The following JMJD1C variants were observed in gnomAD, a reference collection of about 807,000 sequenced individuals.
JMJD1C encodes jumonji domain-containing protein 1C.
A neutral mutation model predicts 245.3 loss-of-function variants in JMJD1C; 31 were observed. That is an observed-to-expected ratio of 0.13 (90% CI 0.09 to 0.17). The LOEUF is 0.17. Ranked by LOEUF, JMJD1C falls within the 10% of genes least tolerant of loss-of-function variation. The pLI, the probability that JMJD1C is intolerant of heterozygous loss-of-function variation, is 1.00. For synonymous variants in JMJD1C, 1,057 were observed against 1,017.4 expected (o/e 1.04, Z -0.74); for missense variants, 2,691 against 3,000.2 (o/e 0.90, Z 2.41).
chr10:63,238,304 T>C (rs115063042), intron 3 of JMJD1C, among the ~76,000 whole-genome samples: 78 of 152,008 alleles, frequency 5.1e-4, no homozygotes, highest in African/African-American at 1.9e-3. Flanking sequence ...CTCTTTACGA[T>C]GCCTTTCAGC....
Position 63,215,322 on chromosome 10 carries a change from C to A in JMJD1C, c.956G>T (p.Ser319Ile). 1 of 1,613,686 alleles carries A rather than the reference C, an allele frequency of 6.2e-7. No individual in the cohort carries two copies. Among genetic ancestry groups the A allele is most frequent in the Non-Finnish European group, 8.5e-7 (1 of 1,179,964 alleles). Reference sequence around the variant, plus strand: ...CATCTTCTCTTCATCTGGTATACTGCTATCTGAGCCCTTCCTCTTATTTGG... The same window carrying A: ...CATCTTCTCTTCATCTGGTATACTGATATCTGAGCCCTTCCTCTTATTTGG... ...IRPNKRKGSD[S>I]SIPDEEKMKE... is the part of the protein sequence containing the mutation. The change falls in exon 7 of 26, where the codon AGC becomes ATC. Residue 319 changes from serine to isoleucine, a missense_variant. Transcript: ENST00000399262.
At chr10:63,252,735 G>GA (rs1284626950) in intron 3 of JMJD1C, among the ~76,000 whole-genome samples, 1 of 152,140 alleles carries the variant, frequency 6.6e-6, no homozygotes, top group Non-Finnish European at 1.5e-5. Context: ...TAAAGAAAAA[G>GA]AAACAGGCAA....
chr10:63,256,382 AAATCAT>A, intron 3 of JMJD1C, among the ~76,000 whole-genome samples: 1 of 152,326 alleles, frequency 6.6e-6, no homozygotes, highest in Middle Eastern at 3.4e-3. Flanking sequence ...TAGCTATATA[AAATCAT>A]ATAGGTAGGT....
chr10:63,360,469 T>G (rs1945232595), intron 2 of JMJD1C, among the ~76,000 whole-genome samples: 1 of 152,250 alleles, frequency 6.6e-6, no homozygotes, highest in Non-Finnish European at 1.5e-5. Context: ...TTGTAAGTCT[T>G]ATTTCCAGCA....
intron 2 of JMJD1C, among the ~76,000 whole-genome samples, chr10:63,353,788 GAGC>G (rs1944570114): frequency 6.6e-6 from 1 of 151,914 alleles, no homozygotes; most frequent in Admixed American, 6.6e-5. Context: ...TTACAGGTGT[GAGC>G]CACCATGCTT....
In JMJD1C at chr10:63,382,080, G is replaced by A. The variant is rs181072194; in HGVS notation, c.169-1598C>T. On this transcript the variant is annotated intron_variant, in intron 1 of 25. Transcript: ENST00000399262. ...ACAAAAATTAGCTGGGTGTGGTGGCGGGTGCCTGTAGTCCCAGCTACTCAG... is the reference window on the plus strand; with the variant it reads ...ACAAAAATTAGCTGGGTGTGGTGGCAGGTGCCTGTAGTCCCAGCTACTCAG... Among the ~76,000 whole-genome samples, 894 of 151,980 alleles carry A rather than the reference G, an allele frequency of 5.9e-3. 5 individuals are homozygous for A. Among genetic ancestry groups the A allele is most frequent in the African/African-American group, 0.016 (663 of 41,458 alleles).
chr10:63,445,085 T>C (rs1951629738), intron 1 of JMJD1C, among the ~76,000 whole-genome samples: 1 of 151,962 alleles, frequency 6.6e-6, no homozygotes, highest in Non-Finnish European at 1.5e-5. Context: ...TAAAAAAAAT[T>C]AGCTGGGTGT....
chr10:63,213,255 A>G (rs1344092366), intron 8 of JMJD1C, among the ~76,000 whole-genome samples: 1 of 151,890 alleles, frequency 6.6e-6, no homozygotes, highest in Non-Finnish European at 1.5e-5. Context: ...TTACAATCTA[A>G]AAAGTTTTAC....
chr10:63,237,841 A>C (rs1850930198), intron 3 of JMJD1C, among the ~76,000 whole-genome samples: 1 of 151,854 alleles, frequency 6.6e-6, no homozygotes, highest in Admixed American at 6.6e-5. Context: ...AGGGATACTC[A>C]ACCTGTACAT....
At position 63,168,151 on chromosome 10, in the gene JMJD1C, T is replaced by G; in HGVS notation, c.7534-17A>C. 6.6e-7 allele frequency: 1 copy of G among 1,505,074 alleles called. No individual in the cohort carries two copies. Among genetic ancestry groups the G allele is most frequent in the Non-Finnish European group, 9.2e-7 (1 of 1,083,074 alleles). The allele number at this position is 1,505,074 out of a possible 1,614,324, so 93.2% of individuals were successfully genotyped here. A position where few individuals can be genotyped will look rare whatever the true frequency, so the allele number is the denominator to read the frequency against. On this transcript the variant is annotated splice_polypyrimidine_tract_variant and intron_variant, in intron 25 of 25. Coordinates refer to ENST00000399262, the MANE Select transcript of JMJD1C (RefSeq NM_032776.3). Reference sequence around the variant, plus strand: ...ATTTTTAACCTGAAAGAGATGTTGATATTTCTAATCACTTCAGTTCGACAG... The same window carrying G: ...ATTTTTAACCTGAAAGAGATGTTGAGATTTCTAATCACTTCAGTTCGACAG...
intron 1 of JMJD1C, among the ~76,000 whole-genome samples, chr10:63,392,906 ACACG>A (rs1407757882): frequency 6.8e-6 from 1 of 147,906 alleles, no homozygotes; most frequent in Non-Finnish European, 1.5e-5. Context: ...ACACACACAC[ACACG>A]TGAGCAAAGG....
chr10:63,227,157 T>C lies in JMJD1C; in HGVS notation c.448-7174A>G, dbSNP rs566065024. ...AGGTGATTATGTACTTTCTACTTAA[T>C]TCGAAAGAAAAAAATAACCATCTAG... On this transcript the variant is annotated intron_variant, in intron 3 of 25. Coordinates refer to ENST00000399262, the MANE Select transcript of JMJD1C (RefSeq NM_032776.3). Among the ~76,000 whole-genome samples the C allele has an allele frequency of 5.3e-5, 8 of 152,136 alleles. No homozygotes were observed. The South Asian group carries it at 1.7e-3, about 32-fold the overall frequency.
Position 63,264,685 on chromosome 10 carries a change from A to C in JMJD1C, c.413T>G (p.Phe138Cys). The part of the protein sequence containing the change: ...VEFLVDKQLD[F>C]LTEDSAFQPY... ...CTGAAAGGCACTATCTTCAGTTAAAAAATCCAGTTGCTTATCTACAAGGAA... is the reference window on the plus strand; with the variant it reads ...CTGAAAGGCACTATCTTCAGTTAAACAATCCAGTTGCTTATCTACAAGGAA... The change falls in exon 3 of 26, where the codon TTT (phenylalanine) becomes TGT (cysteine). Residue 138 changes from phenylalanine (F) to cysteine (C), a missense_variant. Physicochemically the swap from Phe to Cys is radical, Grantham distance 205 (BLOSUM62 -2). This residue lies in a region of JMJD1C where 172 missense variants were observed against 240.8 expected (regional missense o/e 0.71). Transcript: ENST00000399262. The C allele has an allele frequency of 6.3e-7, 1 of 1,584,042 alleles. No individual in the cohort carries two copies. Among genetic ancestry groups the C allele is most frequent in the Non-Finnish European group, 8.6e-7 (1 of 1,161,408 alleles).
intron 1 of JMJD1C, among the ~76,000 whole-genome samples, chr10:63,494,113 C>G (rs1376470289): frequency 6.6e-6 from 1 of 152,072 alleles, no homozygotes; most frequent in East Asian, 1.9e-4. Context: ...GAGATCGAGA[C>G]CAGCCTGACC....
At chr10:63,406,632 T>G (rs1949188867) in intron 1 of JMJD1C, among the ~76,000 whole-genome samples, 1 of 151,858 alleles carries the variant, frequency 6.6e-6, no homozygotes, top group Non-Finnish European at 1.5e-5. Context: ...AACACTAGAT[T>G]TTTTTTTAAG....
At chr10:63,298,879 CCCA>C (rs1859750718) in intron 2 of JMJD1C, among the ~76,000 whole-genome samples, 1 of 152,010 alleles carries the variant, frequency 6.6e-6, no homozygotes, top group African/African-American at 2.4e-5. Context: ...AATACAGGTG[CCCA>C]CCACCACGCC....
chr10:63,185,994 C>T (rs920253320), intron 19 of JMJD1C, among the ~76,000 whole-genome samples: 1 of 152,150 alleles, frequency 6.6e-6, no homozygotes, highest in Non-Finnish European at 1.5e-5. Context: ...CCAAACATTT[C>T]TCCATAAGCA....
chr10:63,400,205 G>A (rs1489672120), intron 1 of JMJD1C, among the ~76,000 whole-genome samples: 1 of 152,120 alleles, frequency 6.6e-6, no homozygotes, highest in African/African-American at 2.4e-5. Flanking sequence ...AAATAATGCT[G>A]CAATGAATAT....
At chr10:63,479,509 T>A (rs1197066389) in intron 1 of JMJD1C, among the ~76,000 whole-genome samples, 1 of 152,214 alleles carries the variant, frequency 6.6e-6, no homozygotes, top group Non-Finnish European at 1.5e-5. Flanking sequence ...TTAGTTTGTG[T>A]AAACCAGAAA....
Sources: allele counts gnomAD v4.1 joint callset (sites outside exome capture counted in the v4.1 genomes callset), GRCh38; gene constraint gnomAD v4.1.1; regional missense constraint gnomAD v4.1.1; transcripts MANE v1.5; gene names NCBI Gene and HGNC (gene_info 2026-07-23, HGNC 2026-07-21).